Variants in NKAIN3 observed in about 807,000 individuals in gnomAD.
The protein encoded by NKAIN3 is sodium/potassium transporting ATPase interacting 3, also known as sodium/potassium-transporting ATPase subunit beta-1-interacting protein 3.
In NKAIN3, 25 loss-of-function variants were observed where a neutral mutation model predicts 30.2. The observed-to-expected ratio is 0.83, with a 90% CI of 0.60 to 1.16. The LOEUF is 1.16. Among genes scored for constraint, NKAIN3 ranks in the 50% most tolerant of loss-of-function variants. NKAIN3 has a pLI of 0.00. For missense variants in NKAIN3, 225 were observed against 254.1 expected, an observed-to-expected ratio of 0.89 and a Z score of 0.78; for synonymous variants, 91 against 89.6, an observed-to-expected ratio of 1.02 and a Z score of -0.09.
In NKAIN3 at chr8:62,965,579, T is replaced by A; in HGVS notation, c.*172T>A. 5 of 983,998 alleles carry A rather than the reference T, an allele frequency of 5.1e-6. No homozygotes were observed. Among genetic ancestry groups the A allele is most frequent in the East Asian group, 1.1e-4 (1 of 8,770 alleles). The allele number at this position is 983,998 out of a possible 1,614,324, so 61.0% of individuals were successfully genotyped here. On this transcript the variant is annotated 3_prime_UTR_variant, in exon 7 of 7. Transcript: ENST00000623646. ...GAGTTCTAGGTGCTTGGGTGGGTAT[T>A]TTTTTAGTCGTTTTCTTCTTATATG...
intron 1 of NKAIN3, among the ~76,000 whole-genome samples, chr8:62,259,224 C>A (rs1162585460): frequency 6.6e-6 from 1 of 152,022 alleles, no homozygotes; most frequent in Non-Finnish European, 1.5e-5. Flanking sequence ...AAAAAGAAAA[C>A]CACAAATTAT....
intron 1 of NKAIN3, among the ~76,000 whole-genome samples, chr8:62,381,021 G>T (rs977197369): frequency 7.2e-5 from 11 of 152,066 alleles, no homozygotes; most frequent in African/African-American, 2.7e-4. Flanking sequence ...ATGTACTTTT[G>T]GGTATCCCTG....
Position 62,581,888 on chromosome 8 carries a change from C to T in NKAIN3, c.192+2212C>T, listed in dbSNP as rs74209385. On this transcript the variant is annotated intron_variant, in intron 2 of 6. Coordinates refer to ENST00000623646, the MANE Select transcript of NKAIN3 (RefSeq NM_001304533.3). ...TCCTCACTCCCTTCCTTCTACCCTT[C>T]CTCCCTCCCTTCCTTCTTTCCTTCC... Among the ~76,000 whole-genome samples the T allele has an allele frequency of 3.2e-3, 40 of 12,644 alleles. 7 individuals are homozygous for T. Among genetic ancestry groups the T allele is most frequent in the African/African-American group, 4.5e-3 (17 of 3,768 alleles). The allele number at this position is 12,644 out of a possible 152,430, so 8.3% of individuals were successfully genotyped here.
At chr8:62,951,945 G>T (rs2130895100) in intron 5 of NKAIN3, among the ~76,000 whole-genome samples, 2 of 152,114 alleles carry the variant, frequency 1.3e-5, no homozygotes, top group African/African-American at 4.8e-5. Flanking sequence ...GATTAGAGGT[G>T]TGTGCCACCA....
chr8:62,372,056 T>C (rs188017100), intron 1 of NKAIN3, among the ~76,000 whole-genome samples: 1 of 152,070 alleles, frequency 6.6e-6, no homozygotes, highest in East Asian at 1.9e-4. Flanking sequence ...AGTCCTGGTT[T>C]AAACAATGAA....
At chr8:62,860,925 T>A (rs1050115746) in intron 4 of NKAIN3, among the ~76,000 whole-genome samples, 35 of 152,342 alleles carry the variant, frequency 2.3e-4, no homozygotes, top group African/African-American at 7.9e-4. Flanking sequence ...GATCCACCTA[T>A]CTGGCCTCAT....
intron 1 of NKAIN3, among the ~76,000 whole-genome samples, chr8:62,546,843 G>A (rs1245036944): frequency 6.6e-6 from 1 of 152,188 alleles, no homozygotes; most frequent in African/African-American, 2.4e-5. Flanking sequence ...CTGGGATTCT[G>A]ACAGAGGGTG....
chr8:62,268,364 C>A (rs559549401), intron 1 of NKAIN3, among the ~76,000 whole-genome samples: 1 of 152,248 alleles, frequency 6.6e-6, no homozygotes, highest in South Asian at 2.1e-4. Flanking sequence ...AGAATTGGGT[C>A]CCTGTCTTCC....
rs936334315 is a variant in NKAIN3, at chr8:62,571,129, A to C, written c.55-8410A>C. The stretch of plus-strand genomic sequence containing the variant: ...ATTTCAAATAAGTCTTGGGTTATTG[A>C]AATAGGCTTATTTTTTTTTTTTTTT... On this transcript the variant is annotated intron_variant, in intron 1 of 6. Coordinates refer to ENST00000623646, the MANE Select transcript of NKAIN3 (RefSeq NM_001304533.3). 2.2e-5 allele frequency among the ~76,000 whole-genome samples: 3 copies of C among 136,372 alleles called. No homozygotes were observed. The South Asian group carries it at 7.6e-4, about 35-fold the overall frequency. 89.5% of individuals were successfully genotyped at this position (136,372 alleles called of 152,430 possible).
intron 1 of NKAIN3, among the ~76,000 whole-genome samples, chr8:62,477,657 A>G (rs1193928073): frequency 6.6e-6 from 1 of 152,170 alleles, no homozygotes; most frequent in East Asian, 1.9e-4. Context: ...TGTGTATTTC[A>G]GGACCCAAAA....
chr8:62,557,719 C>T (rs755579515), intron 1 of NKAIN3, among the ~76,000 whole-genome samples: 8 of 151,994 alleles, frequency 5.3e-5, no homozygotes, highest in Non-Finnish European at 8.8e-5. Context: ...TGTGGGTTGT[C>T]TATTCATGTT....
At chr8:62,742,303 G>A (rs1050561349) in intron 3 of NKAIN3, among the ~76,000 whole-genome samples, 1 of 152,186 alleles carries the variant, frequency 6.6e-6, no homozygotes, top group Non-Finnish European at 1.5e-5. Flanking sequence ...AGTTCATTAT[G>A]TAGATTTCTC....
intron 1 of NKAIN3, chr8:62,483,847 C>T (rs1202395223): frequency 5.3e-5 from 10 of 187,446 alleles, no homozygotes; most frequent in Non-Finnish European, 1.1e-4. Context: ...CTTCTTAATC[C>T]TTCTTAAAAT....
intron 3 of NKAIN3, among the ~76,000 whole-genome samples, chr8:62,661,144 A>G (rs1490568401): frequency 2.0e-5 from 3 of 152,210 alleles, no homozygotes; most frequent in East Asian, 1.9e-4. Flanking sequence ...TGAAGCACGT[A>G]CGCCATCCTT....
chr8:62,998,227 G>A (rs1804168474), intron 5 of NKAIN3, among the ~76,000 whole-genome samples: 1 of 152,036 alleles, frequency 6.6e-6, no homozygotes, highest in South Asian at 2.1e-4. Context: ...AGTGCATAAA[G>A]CAAAAGCTAA....
chr8:62,500,337 A>G (rs1033313538), intron 1 of NKAIN3, among the ~76,000 whole-genome samples: 2 of 151,990 alleles, frequency 1.3e-5, no homozygotes, highest in African/African-American at 4.8e-5. Context: ...CATGTCTTCC[A>G]TTACCAAGGA....
chr8:62,297,249 G>T (rs1813861494), intron 1 of NKAIN3, among the ~76,000 whole-genome samples: 1 of 152,136 alleles, frequency 6.6e-6, no homozygotes, highest in African/African-American at 2.4e-5. Context: ...TACCATTCAG[G>T]ACATAGGCAT....
At chr8:62,397,553 A>G (rs953910676) in intron 1 of NKAIN3, among the ~76,000 whole-genome samples, 2 of 152,130 alleles carry the variant, frequency 1.3e-5, no homozygotes, top group African/African-American at 4.8e-5. Context: ...CACAACTATA[A>G]TGGAATTCAG....
chr8:62,755,026 T>A (rs79488337), intron 4 of NKAIN3, among the ~76,000 whole-genome samples: 1,548 of 152,356 alleles, frequency 0.01, 27 homozygotes, highest in African/African-American at 0.034. Flanking sequence ...TGTTAACATT[T>A]GCATTTATTT....
Sources: gnomAD v4.1 joint callset for allele counts (sites outside exome capture counted in the v4.1 genomes callset) on GRCh38, gnomAD v4.1.1 for gene constraint, MANE v1.5 for transcripts, NCBI Gene and HGNC (gene_info 2026-07-23, HGNC 2026-07-21) for gene names.